MED12L: variants seen among roughly 807,000 people sequenced by gnomAD.
MED12L encodes mediator of RNA polymerase II transcription subunit 12-like protein.
Under a neutral mutation model 281.3 loss-of-function variants are expected in MED12L, and 60 were observed. That is an observed-to-expected ratio of 0.21 (90% CI 0.17 to 0.26). The LOEUF (loss-of-function observed/expected upper bound fraction) is 0.26. MED12L is among the 10% of genes least tolerant of loss of function. The pLI, the probability that MED12L is intolerant of heterozygous loss-of-function variation, is 1.00. For missense variants in MED12L, 2,146 were observed against 2,680.9 expected, an observed-to-expected ratio of 0.80 and a Z score of 4.41; for synonymous variants, 974 against 987.2, an observed-to-expected ratio of 0.99 and a Z score of 0.25.
intron 16 of MED12L, among the ~76,000 whole-genome samples, chr3:151,220,840 G>C (rs9871624): frequency 0.23 from 35,725 of 152,136 alleles, 4,902 homozygotes; most frequent in African/African-American, 0.38. Context: ...CAGTAGAGTG[G>C]CACATTGCTG....
intron 5 of MED12L, among the ~76,000 whole-genome samples, chr3:151,145,254 G>T (rs189278432): frequency 1.3e-5 from 2 of 152,236 alleles, no homozygotes; most frequent in East Asian, 3.9e-4. Flanking sequence ...TGCATGTCAG[G>T]GGCTTAGAAG....
chr3:151,258,760 G>A (rs1486561826), intron 16 of MED12L, among the ~76,000 whole-genome samples: 1 of 151,636 alleles, frequency 6.6e-6, no homozygotes, highest in Non-Finnish European at 1.5e-5. Flanking sequence ...GCTGAGGCAG[G>A]AGAATCGCTT....
chr3:151,176,071 C>G (rs541198635), intron 11 of MED12L, among the ~76,000 whole-genome samples: 3 of 152,244 alleles, frequency 2.0e-5, no homozygotes, highest in South Asian at 4.1e-4. Context: ...AAGTTTCGTT[C>G]AGCCCACAGT....
chr3:151,188,481 G>A lies in MED12L; in HGVS notation c.1753+1G>A, dbSNP rs1723552583. 6.2e-7 allele frequency: 1 copy of A among 1,608,160 alleles called. No homozygotes were observed. The highest frequency in any genetic ancestry group is 8.5e-7 in the Non-Finnish European group (1 of 1,177,302). On this transcript the variant is annotated splice_donor_variant, in intron 13 of 44. Coordinates refer to ENST00000687756, the MANE Select transcript of MED12L (RefSeq NM_001393769.1). LOFTEE classifies it high-confidence loss of function. ...TTAGATACACAGGCCCCCTCTTTGT[G>A]TAAGTAGAGAAAACTCTTTGCCTCT...
chr3:151,087,100 C>T (rs1164179867), intron 2 of MED12L, 75 bp downstream of exon 2: 20 of 1,202,244 alleles, frequency 1.7e-5, no homozygotes, highest in Non-Finnish European at 2.3e-5. Context: ...GTTGGCCCAG[C>T]GGGCATCGCC....
intron 5 of MED12L, among the ~76,000 whole-genome samples, chr3:151,138,800 G>C (rs1215833004): frequency 1.3e-5 from 2 of 152,160 alleles, no homozygotes; most frequent in African/African-American, 4.8e-5. Flanking sequence ...GGCTGAGGTA[G>C]CACTTACCAG....
intron 5 of MED12L, among the ~76,000 whole-genome samples, chr3:151,131,044 G>A (rs1715315110): frequency 6.6e-6 from 1 of 152,018 alleles, no homozygotes; most frequent in African/African-American, 2.4e-5. Context: ...TGTGTGATGT[G>A]ATTACATATT....
intron 16 of MED12L, among the ~76,000 whole-genome samples, chr3:151,239,619 T>A (rs186605721): frequency 1.2e-4 from 18 of 152,322 alleles, no homozygotes; most frequent in Admixed American, 1.1e-3. Context: ...CAATTTTAAT[T>A]TCTAAAATAA....
At chr3:151,394,428 C>T (rs1404191009) in intron 38 of MED12L, among the ~76,000 whole-genome samples, 1 of 152,180 alleles carries the variant, frequency 6.6e-6, no homozygotes, top group Non-Finnish European at 1.5e-5. Flanking sequence ...AACTGAAGAC[C>T]TCCATGAAAT....
intron 40 of MED12L, among the ~76,000 whole-genome samples, chr3:151,409,573 A>G (rs1214386969): frequency 6.6e-6 from 1 of 152,244 alleles, no homozygotes; most frequent in Non-Finnish European, 1.5e-5. Context: ...CAAACCTTTT[A>G]TTAGTGATGA....
In MED12L at chr3:151,366,090, G is replaced by A. The variant is rs1373993928; in HGVS notation, c.3327+99G>A. ...TGGCTTTTATTTAATTGATTCAACT[G>A]AAATGTTATAAAATATTTTTTCTTT... On this transcript the variant is annotated intron_variant, in intron 23 of 44. Transcript: ENST00000687756. 4.2e-5 allele frequency: 43 copies of A among 1,029,974 alleles called. 1 individual carries two copies. In the South Asian group the frequency reaches 5.9e-4, roughly 14 times the overall value. The allele number at this position is 1,029,974 out of a possible 1,614,324, so 63.8% of individuals were successfully genotyped here.
In MED12L at chr3:151,411,427, C is replaced by T. The variant is rs148165826; in HGVS notation, c.6060C>T (p.Leu2020=). 2,162 of 1,614,206 alleles carry T rather than the reference C, an allele frequency of 1.3e-3. 2 individuals are homozygous for T. The highest frequency in any genetic ancestry group is 1.5e-3 in the Non-Finnish European group (1,788 of 1,180,032). ...AHSNPVLMER[L]RQIQQQPSGY... ...CCAACCCCGTGCTAATGGAAAGACTCAGACAGATTCAGCAGCAGCCGAGTG... is the reference window on the plus strand; with the variant it reads ...CCAACCCCGTGCTAATGGAAAGACTTAGACAGATTCAGCAGCAGCCGAGTG... The change falls in exon 41 of 45, where the codon CTC becomes CTT. Residue 2020 remains leucine (L), a synonymous_variant. Coordinates refer to ENST00000687756, the MANE Select transcript of MED12L (RefSeq NM_001393769.1).
rs763236342 is a variant in MED12L at position 151,214,063 on chromosome 3, C to T, written c.2250+20397C>T. 14 of 1,614,002 alleles carry T rather than the reference C, an allele frequency of 8.7e-6. No homozygotes were observed. In the African/African-American group the frequency reaches 1.7e-4, roughly 20 times the overall value. ...CACAAACACGTTCAGCTGCCAGGGA[C>T]CAAGGCCTGAGTCACCAAGGATCTT... On this transcript the variant is annotated intron_variant, in intron 16 of 44. Coordinates refer to ENST00000687756, the MANE Select transcript of MED12L (RefSeq NM_001393769.1).
intron 16 of MED12L, among the ~76,000 whole-genome samples, chr3:151,229,583 A>G (rs1191149354): frequency 7.0e-6 from 1 of 142,688 alleles, no homozygotes; most frequent in Non-Finnish European, 1.5e-5. Flanking sequence ...GGTTCATGCC[A>G]TTTTCCTGCC....
intron 5 of MED12L, among the ~76,000 whole-genome samples, chr3:151,144,614 C>A (rs1717521038): frequency 6.6e-6 from 1 of 152,196 alleles, no homozygotes. Context: ...CACAACTGGG[C>A]AAGTATTTAG....
At chr3:151,148,068 G>A (rs908692621) in intron 5 of MED12L, among the ~76,000 whole-genome samples, 3 of 152,106 alleles carry the variant, frequency 2.0e-5, no homozygotes, top group East Asian at 1.9e-4. Flanking sequence ...CTGTCCTAGC[G>A]GTATTTCATT....
intron 2 of MED12L, among the ~76,000 whole-genome samples, chr3:151,090,895 G>C (rs1381956632): frequency 6.6e-6 from 1 of 152,100 alleles, no homozygotes; most frequent in Non-Finnish European, 1.5e-5. Context: ...ACAAAAATTA[G>C]CTGGGCATGG....
Position 151,086,923 on chromosome 3 carries a change from G to A in MED12L, c.-4G>A. On this transcript the variant is annotated 5_prime_UTR_variant, in exon 2 of 45. Coordinates refer to ENST00000687756, the MANE Select transcript of MED12L (RefSeq NM_001393769.1). ...ATTCATTTCGCCGGTTAACATGAGA[G>A]ATCATGGCCGCCTTCGGGCTTCTCA... is the stretch of plus-strand genomic sequence containing the variant. 1 of 1,587,284 alleles carries A rather than the reference G, an allele frequency of 6.3e-7. No individual in the cohort carries two copies. Among genetic ancestry groups the A allele is most frequent in the South Asian group, 1.1e-5 (1 of 87,582 alleles).
At chr3:151,411,832 A>G (rs1716973628) in intron 41 of MED12L, among the ~76,000 whole-genome samples, 2 of 152,166 alleles carry the variant, frequency 1.3e-5, no homozygotes, top group Non-Finnish European at 2.9e-5. Flanking sequence ...GAACATATCT[A>G]ACAGAGAAAA....
Sources: gnomAD v4.1 joint callset for allele counts (sites outside exome capture counted in the v4.1 genomes callset) on GRCh38, gnomAD v4.1.1 for gene constraint, MANE v1.5 for transcripts, NCBI Gene and HGNC (gene_info 2026-07-23, HGNC 2026-07-21) for gene names.